LRP1B: variants seen among roughly 807,000 people sequenced by gnomAD.
LRP1B encodes low-density lipoprotein receptor-related protein 1B.
A neutral mutation model predicts 556.6 loss-of-function variants in LRP1B; 217 were observed. The observed-to-expected ratio is 0.39, with a 90% CI of 0.35 to 0.44. The LOEUF (loss-of-function observed/expected upper bound fraction) is 0.44. Among genes scored for constraint, LRP1B ranks in the 20% least tolerant of loss-of-function variants. The pLI is 1.00. For synonymous variants in LRP1B, 2,047 were observed against 1,865.8 expected (o/e 1.10, Z -2.50); for missense variants, 5,053 against 5,620.8 (o/e 0.90, Z 3.23).
chr2:141,015,369 A>T (rs1317715215), intron 13 of LRP1B, among the ~76,000 whole-genome samples: 1 of 152,116 alleles, frequency 6.6e-6, no homozygotes, highest in Admixed American at 6.6e-5. Context: ...AATATTGAAC[A>T]TATTTTAATA....
intron 20 of LRP1B, among the ~76,000 whole-genome samples, chr2:140,949,938 C>CAAAAAAAAAAAAAAAA (rs67201185): frequency 1.4e-4 from 2 of 14,278 alleles, no homozygotes; most frequent in Non-Finnish European, 1.2e-4. Context: ...GACTCCGTCT[C>CAAAAAAAAAAAAAAAA]AAAAAAAAAA....
intron 35 of LRP1B, among the ~76,000 whole-genome samples, chr2:140,765,898 T>C (rs899246288): frequency 6.6e-6 from 1 of 152,064 alleles, no homozygotes; most frequent in Non-Finnish European, 1.5e-5. Flanking sequence ...TTGTTTAGAA[T>C]AAGAGGCTAA....
At chr2:140,340,461 T>C (rs1374359952) in intron 77 of LRP1B, among the ~76,000 whole-genome samples, 1 of 151,566 alleles carries the variant, frequency 6.6e-6, no homozygotes, top group Non-Finnish European at 1.5e-5. Context: ...GTGAATAATT[T>C]GTTGGTGCTT....
At chr2:141,487,067 G>A (rs755024497) in intron 2 of LRP1B, among the ~76,000 whole-genome samples, 10 of 151,950 alleles carry the variant, frequency 6.6e-5, no homozygotes, top group Admixed American at 5.9e-4. Context: ...TCCTCACAGC[G>A]TTCCATGGAC....
At chr2:141,770,913 T>A (rs1238184485) in intron 2 of LRP1B, among the ~76,000 whole-genome samples, 1 of 152,260 alleles carries the variant, frequency 6.6e-6, no homozygotes, top group Non-Finnish European at 1.5e-5. Context: ...CTTCTCCAGC[T>A]GGTTGTTAAC....
At chr2:140,721,520 T>C (rs896192709) in intron 35 of LRP1B, among the ~76,000 whole-genome samples, 11 of 149,922 alleles carry the variant, frequency 7.3e-5, no homozygotes, top group Admixed American at 6.7e-5. Context: ...ATGTGTTGAA[T>C]TGGATCAAAG....
At chr2:141,598,371 T>A (rs192882254) in intron 2 of LRP1B, among the ~76,000 whole-genome samples, 71 of 152,194 alleles carry the variant, frequency 4.7e-4, no homozygotes, top group Admixed American at 8.5e-4. Flanking sequence ...TGACATTAAT[T>A]TTTTAAAAAA....
intron 1 of LRP1B, among the ~76,000 whole-genome samples, chr2:141,987,558 TTTTTTCTTTC>T (rs1232584963): frequency 6.6e-5 from 10 of 150,960 alleles, no homozygotes; most frequent in Admixed American, 5.3e-4. Flanking sequence ...TGTTTTTTTT[TTTTTTCTTTC>T]TTTTTTCTTT....
intron 2 of LRP1B, among the ~76,000 whole-genome samples, chr2:141,710,481 G>A (rs980674132): frequency 6.6e-6 from 1 of 152,066 alleles, no homozygotes; most frequent in Non-Finnish European, 1.5e-5. Flanking sequence ...ATTTCAGTGG[G>A]CTTTTGAGCA....
At chr2:141,890,325 T>TACAC (rs1558942657) in intron 1 of LRP1B, among the ~76,000 whole-genome samples, 290 of 28,348 alleles carry the variant, frequency 0.01, 5 homozygotes, top group African/African-American at 0.027. Context: ...GCACAATACA[T>TACAC]ATATATATAT....
intron 3 of LRP1B, among the ~76,000 whole-genome samples, chr2:141,476,126 G>A (rs2105080312): frequency 6.6e-6 from 1 of 152,286 alleles, no homozygotes; most frequent in East Asian, 1.9e-4. Flanking sequence ...GCACCTGTGT[G>A]TCTGCGTGCT....
In LRP1B at chr2:141,207,041, G is replaced by A. The variant is rs1017114095; in HGVS notation, c.851-18458C>T. ...TTCAGAGTCAACTGAAGCAGTAGTA[G>A]TGGGTTCTTGATTTAAGCACAATTT... On this transcript the variant is annotated intron_variant, in intron 6 of 90. Coordinates refer to ENST00000389484, the MANE Select transcript of LRP1B (RefSeq NM_018557.3). Among the ~76,000 whole-genome samples, 6 of 152,186 alleles carry A rather than the reference G, an allele frequency of 3.9e-5. No homozygotes were observed. The East Asian group carries it at 1.2e-3, about 29-fold the overall frequency.
chr2:140,249,051 A>T (rs1026290889), intron 86 of LRP1B, among the ~76,000 whole-genome samples: 16 of 151,738 alleles, frequency 1.1e-4, no homozygotes, highest in Non-Finnish European at 1.9e-4. Context: ...AAAAGAAAAA[A>T]AAAACTAAAT....
intron 3 of LRP1B, among the ~76,000 whole-genome samples, chr2:141,301,231 G>A (rs1259287498): frequency 6.6e-6 from 1 of 152,098 alleles, no homozygotes; most frequent in Non-Finnish European, 1.5e-5. Flanking sequence ...TACTCCATGT[G>A]TGTGAGAGAT....
chr2:141,085,395 G>A (rs1271683964), intron 7 of LRP1B, among the ~76,000 whole-genome samples: 3 of 152,076 alleles, frequency 2.0e-5, no homozygotes, highest in African/African-American at 7.2e-5. Flanking sequence ...CTTTAAAGAG[G>A]AAATAGTTAA....
chr2:141,070,169 T>C (rs927272411), intron 7 of LRP1B, among the ~76,000 whole-genome samples: 10 of 152,046 alleles, frequency 6.6e-5, no homozygotes, highest in Non-Finnish European at 1.3e-4. Context: ...TTCCATGGTG[T>C]ATATGTGCCA....
chr2:140,364,958 C>A (rs1311980763), intron 71 of LRP1B, among the ~76,000 whole-genome samples, 175 bp from the exon 72 acceptor site: 2 of 151,138 alleles, frequency 1.3e-5, no homozygotes. Context: ...TTTTTAATAA[C>A]ATGTATTCAT....
intron 1 of LRP1B, among the ~76,000 whole-genome samples, chr2:142,100,442 C>T (rs1706533060): frequency 6.6e-6 from 1 of 151,986 alleles, no homozygotes; most frequent in Non-Finnish European, 1.5e-5. Flanking sequence ...ATCTGCTGAG[C>T]CCCAGTGCTC....
At position 140,353,019 on chromosome 2, in the gene LRP1B, C is replaced by T. The variant is rs2105122100; in HGVS notation, c.11584G>A (p.Glu3862Lys). 1 of 1,612,848 alleles carries T rather than the reference C, an allele frequency of 6.2e-7. No homozygotes were observed. Among genetic ancestry groups the T allele is most frequent in the Non-Finnish European group, 8.5e-7 (1 of 1,179,292 alleles). Residue 3862 changes from glutamate (E) to lysine (K), a missense_variant, in exon 76 of 91, where the codon GAA becomes AAA. Transcript: ENST00000389484. ...TCACACACACATTTATATGATCCTT[C>T]CACATTTATACATTGATGGGAACAT... is the stretch of plus-strand genomic sequence containing the variant. Reference protein sequence around the residue: ...GTCSHQCINVEGSYKCVCDQN... With the variant: ...GTCSHQCINVKGSYKCVCDQN...
Sources: gnomAD v4.1 joint callset for allele counts (sites outside exome capture counted in the v4.1 genomes callset) on GRCh38, gnomAD v4.1.1 for gene constraint, MANE v1.5 for transcripts, NCBI Gene and HGNC (gene_info 2026-07-23, HGNC 2026-07-21) for gene names.